Variants in MRPS27 observed in about 807,000 individuals in gnomAD.
MRPS27 encodes the protein small ribosomal subunit protein mS27.
A neutral mutation model predicts 48.9 loss-of-function variants in MRPS27; 43 were observed. The observed-to-expected ratio is 0.88, with a 90% CI of 0.69 to 1.13. The LOEUF (loss-of-function observed/expected upper bound fraction) is 1.13. MRPS27 is among the 50% of genes most tolerant of loss of function. MRPS27 has a pLI of 0.00. For synonymous variants in MRPS27, 188 were observed against 171.9 expected, an observed-to-expected ratio of 1.09 and a Z score of -0.73; for missense variants, 467 against 476.3, an observed-to-expected ratio of 0.98 and a Z score of 0.18.
intron 10 of MRPS27, chr5:72,222,639 T>C (rs1747778487): frequency 6.6e-6 from 1 of 152,164 alleles, no homozygotes; most frequent in African/African-American, 2.4e-5. Context: ...GCTAAGGAGA[T>C]TTTTTTCTTT....
chr5:72,230,212 T>C (rs991257819), intron 7 of MRPS27, among the ~76,000 whole-genome samples: 2 of 152,184 alleles, frequency 1.3e-5, no homozygotes. Flanking sequence ...TTAATTTCTA[T>C]TGTAGACACT....
At chr5:72,281,648 T>C (rs1749536110) in intron 4 of MRPS27, among the ~76,000 whole-genome samples, 1 of 152,170 alleles carries the variant, frequency 6.6e-6, no homozygotes, top group Non-Finnish European at 1.5e-5. Flanking sequence ...AGGCAAGATA[T>C]GAAAGTAGAA....
intron 10 of MRPS27, 94 bp from the exon 11 acceptor site, chr5:72,221,242 A>G: frequency 6.8e-6 from 10 of 1,462,920 alleles, no homozygotes; most frequent in Non-Finnish European, 9.2e-6. Flanking sequence ...CTGACTTTAG[A>G]TTTGAACAAA....
intron 4 of MRPS27, among the ~76,000 whole-genome samples, chr5:72,289,742 G>T (rs543013793): frequency 6.6e-6 from 1 of 152,246 alleles, no homozygotes; most frequent in African/African-American, 2.4e-5. Flanking sequence ...CTTAATATAA[G>T]GAGTATATGT....
chr5:72,293,833 G>A (rs1749904217), intron 4 of MRPS27, among the ~76,000 whole-genome samples: 1 of 152,098 alleles, frequency 6.6e-6, no homozygotes, highest in Non-Finnish European at 1.5e-5. Flanking sequence ...ACTATGTTCT[G>A]CATTTTGCTA....
intron 2 of MRPS27, among the ~76,000 whole-genome samples, chr5:72,313,551 G>T (rs1433464055): frequency 3.3e-5 from 5 of 152,192 alleles, no homozygotes; most frequent in African/African-American, 1.2e-4. Flanking sequence ...TGTTGTCTGT[G>T]TAATATGACA....
chr5:72,252,245 GTC>G (rs1425452432), intron 4 of MRPS27, among the ~76,000 whole-genome samples: 6 of 152,122 alleles, frequency 3.9e-5, no homozygotes, highest in African/African-American at 1.4e-4. Flanking sequence ...CCATAGGAAA[GTC>G]TAATTTATCA....
chr5:72,256,445 C>T (rs930296042), intron 4 of MRPS27, among the ~76,000 whole-genome samples: 2 of 152,138 alleles, frequency 1.3e-5, no homozygotes, highest in East Asian at 1.9e-4. Context: ...TATATAGAGC[C>T]GAAAAGGCAC....
At chr5:72,308,557 C>T (rs1750346945) in intron 2 of MRPS27, among the ~76,000 whole-genome samples, 1 of 152,212 alleles carries the variant, frequency 6.6e-6, no homozygotes, top group African/African-American at 2.4e-5. Context: ...GTTCCACCCG[C>T]GGGGCGGCGG....
At chr5:72,257,977 G>A (rs1376755279) in intron 4 of MRPS27, among the ~76,000 whole-genome samples, 2 of 151,158 alleles carry the variant, frequency 1.3e-5, no homozygotes, top group African/African-American at 2.4e-5. Context: ...CCAGCTACTC[G>A]GAAGGCTGAG....
At chr5:72,283,246 C>T (rs1749577332) in intron 4 of MRPS27, among the ~76,000 whole-genome samples, 1 of 152,146 alleles carries the variant, frequency 6.6e-6, no homozygotes, top group Non-Finnish European at 1.5e-5. Context: ...TAGTACCTCC[C>T]CCACAAGATA....
intron 2 of MRPS27, among the ~76,000 whole-genome samples, chr5:72,312,111 GAT>G (rs1263256001): frequency 1.3e-5 from 2 of 152,122 alleles, no homozygotes; most frequent in African/African-American, 2.4e-5. Flanking sequence ...CAGCCTGGGC[GAT>G]AGATAGTACA....
intron 2 of MRPS27, 74 bp from the exon 3 acceptor site, chr5:72,297,776 C>T (rs769086343): frequency 2.5e-5 from 20 of 808,706 alleles, no homozygotes; most frequent in Non-Finnish European, 3.6e-5. Flanking sequence ...AGATGGCTGC[C>T]AACATGAAGT....
chr5:72,300,378 C>T (rs1358825336), intron 2 of MRPS27, among the ~76,000 whole-genome samples: 1 of 152,170 alleles, frequency 6.6e-6, no homozygotes, highest in Non-Finnish European at 1.5e-5. Context: ...CATTCTCTGC[C>T]ACGCCTTTAA....
chr5:72,307,854 T>C (rs1750316489), intron 2 of MRPS27: 1 of 152,214 alleles, frequency 6.6e-6, no homozygotes, highest in African/African-American at 2.4e-5. Context: ...TCAGTATGTA[T>C]ATTATACTCC....
chr5:72,281,323 A>C (rs1749528462), intron 4 of MRPS27, among the ~76,000 whole-genome samples: 1 of 151,912 alleles, frequency 6.6e-6, no homozygotes, highest in Non-Finnish European at 1.5e-5. Context: ...CTATTTTAAC[A>C]CTCATTTTAT....
At chr5:72,227,962 C>T in intron 8 of MRPS27, 1 of 393,556 alleles carries the variant, frequency 2.5e-6, no homozygotes, top group Non-Finnish European at 4.5e-6. Flanking sequence ...ACTAGCTAGT[C>T]TCCCTAAACA....
At chr5:72,259,777 C>A (rs1384465580) in intron 4 of MRPS27, among the ~76,000 whole-genome samples, 2 of 152,066 alleles carry the variant, frequency 1.3e-5, no homozygotes, top group Admixed American at 6.6e-5. Context: ...ATAAATTTCT[C>A]CTTAGAATAA....
chr5:72,241,817 T>C lies in MRPS27; in HGVS notation c.282-3689A>G, dbSNP rs57639261. 4,533 of 813,090 alleles carry C rather than the reference T, an allele frequency of 5.6e-3. 124 individuals carry two copies. The African/African-American group carries it at 0.056, about 10-fold the overall frequency. The allele number at this position is 813,090 out of a possible 1,614,324, so 50.4% of individuals were successfully genotyped here. ...CCTGGCAGATTACAGCCAGCCACTG[T>C]AGGAGTCCCCTCTGTGCGCCTATGC... On this transcript the variant is annotated intron_variant, in intron 4 of 10. Transcript: ENST00000261413.
Sources: gnomAD v4.1 joint callset for allele counts (sites outside exome capture counted in the v4.1 genomes callset) on GRCh38, gnomAD v4.1.1 for gene constraint, MANE v1.5 for transcripts, NCBI Gene and HGNC (gene_info 2026-07-23, HGNC 2026-07-21) for gene names.